CYP7B1: variants seen among roughly 807,000 people sequenced by gnomAD.
The protein encoded by CYP7B1 is cytochrome P450 family 7 subfamily B member 1.
Under a neutral mutation model 42.7 loss-of-function variants are expected in CYP7B1, and 29 were observed. The ratio of observed to expected loss-of-function variants is 0.68; its 90% CI spans 0.51 to 0.93. The LOEUF (loss-of-function observed/expected upper bound fraction) is 0.93, where lower values mean the gene tolerates loss of function less well. Ranked by LOEUF, CYP7B1 falls within the 40% of genes least tolerant of loss-of-function variation. The pLI, the probability that CYP7B1 is intolerant of heterozygous loss-of-function variation, is 0.00. For synonymous variants in CYP7B1, 235 were observed against 218.2 expected, an observed-to-expected ratio of 1.08 and a Z score of -0.68; for missense variants, 655 against 600.5, an observed-to-expected ratio of 1.09 and a Z score of -0.95.
chr8:64,592,862 T>C lies in CYP7B1; in HGVS notation c.*3780A>G, dbSNP rs575208398. 6.8e-4 allele frequency among the ~76,000 whole-genome samples: 103 copies of C among 152,354 alleles called. 3 individuals are homozygous for C. In the South Asian group the frequency reaches 0.021, roughly 31 times the overall value. On this transcript the variant is annotated 3_prime_UTR_variant, in exon 6 of 6. Transcript: ENST00000310193. ...TGTCACAGCCAGAATCTGCATCTTT[T>C]AACTGATTTGTCCAGGACATGTTTT...
chr8:64,728,822 A>G (rs376921716), intron 1 of CYP7B1: 3 of 152,208 alleles, frequency 2.0e-5, no homozygotes, highest in East Asian at 3.8e-4. Context: ...TTATAATGCA[A>G]TGAGTGAAAA....
At chr8:64,718,124 G>A (rs1319112495) in intron 1 of CYP7B1, among the ~76,000 whole-genome samples, 1 of 151,738 alleles carries the variant, frequency 6.6e-6, no homozygotes, top group East Asian at 1.9e-4. Context: ...TCTAGTATAT[G>A]GCATTTCAAA....
At chr8:64,760,590 C>T (rs1807874664) in intron 1 of CYP7B1, among the ~76,000 whole-genome samples, 2 of 151,958 alleles carry the variant, frequency 1.3e-5, no homozygotes, top group Non-Finnish European at 2.9e-5. Context: ...CCACCAGGTA[C>T]ATGAAAAGGT....
chr8:64,756,544 T>C (rs1461955073), intron 1 of CYP7B1, among the ~76,000 whole-genome samples: 2 of 152,204 alleles, frequency 1.3e-5, no homozygotes, highest in African/African-American at 4.8e-5. Context: ...CAGCTTTCCA[T>C]ACTGCTGTCA....
chr8:64,765,293 G>A (rs1336907463), intron 1 of CYP7B1, among the ~76,000 whole-genome samples: 1 of 152,176 alleles, frequency 6.6e-6, no homozygotes, highest in African/African-American at 2.4e-5. Flanking sequence ...AGACAGTCTA[G>A]TCCACAGACA....
intron 1 of CYP7B1, chr8:64,727,909 A>G (rs1463324869): frequency 6.6e-6 from 1 of 152,254 alleles, no homozygotes; most frequent in Non-Finnish European, 1.5e-5. Context: ...TGAATATTCA[A>G]CAAAAGTATG....
chr8:64,606,736 A>C (rs919585916), intron 4 of CYP7B1, among the ~76,000 whole-genome samples: 3 of 152,194 alleles, frequency 2.0e-5, no homozygotes, highest in Admixed American at 2.0e-4. Flanking sequence ...AGTACCAGTT[A>C]TGTGTGCGAG....
At chr8:64,774,019 C>T (rs1456099892) in intron 1 of CYP7B1, among the ~76,000 whole-genome samples, 5 of 152,178 alleles carry the variant, frequency 3.3e-5, no homozygotes, top group African/African-American at 7.2e-5. Context: ...ACATTCAAAC[C>T]ATAGCACCTA....
At chr8:64,756,546 CT>C (rs1807811200) in intron 1 of CYP7B1, among the ~76,000 whole-genome samples, 1 of 152,204 alleles carries the variant, frequency 6.6e-6, no homozygotes, top group African/African-American at 2.4e-5. Flanking sequence ...GCTTTCCATA[CT>C]GCTGTCATGT....
Position 64,783,698 on chromosome 8 carries a change from C to G in CYP7B1, c.122+14768G>C, listed in dbSNP as rs1435527702. Reference sequence around the variant, plus strand: ...GAGCTTTACCTCATGTCCTCAATTACAAATGACAAGATCATTCCTGCTTCC... The same window carrying G: ...GAGCTTTACCTCATGTCCTCAATTAGAAATGACAAGATCATTCCTGCTTCC... On this transcript the variant is annotated intron_variant, in intron 1 of 5. Transcript: ENST00000310193. Among the ~76,000 whole-genome samples, 7 of 152,138 alleles carry G rather than the reference C, an allele frequency of 4.6e-5. No homozygotes were observed. The East Asian group carries it at 1.3e-3, about 29-fold the overall frequency.
chr8:64,617,995 T>C (rs1054065521), intron 2 of CYP7B1, among the ~76,000 whole-genome samples: 1 of 147,140 alleles, frequency 6.8e-6, no homozygotes, highest in Non-Finnish European at 1.5e-5. Flanking sequence ...GGATCTAGGA[T>C]GCCAGTAAAG....
chr8:64,703,919 T>C (rs1045114443), intron 1 of CYP7B1: 5 of 152,052 alleles, frequency 3.3e-5, no homozygotes, highest in African/African-American at 1.2e-4. Context: ...TTTTCTCAAG[T>C]GAATATTGTG....
intron 1 of CYP7B1, among the ~76,000 whole-genome samples, chr8:64,732,683 C>T (rs1188378888): frequency 6.6e-6 from 1 of 152,102 alleles, no homozygotes; most frequent in African/African-American, 2.4e-5. Flanking sequence ...CTCTGTGTCC[C>T]CAATCCAAAT....
At chr8:64,679,332 G>T (rs918397769) in intron 1 of CYP7B1, among the ~76,000 whole-genome samples, 34 of 152,250 alleles carry the variant, frequency 2.2e-4, no homozygotes, top group Middle Eastern at 3.4e-3. Context: ...AGTGACAGGG[G>T]CTGATAGAGA....
At chr8:64,750,608 A>G (rs1177403055) in intron 1 of CYP7B1, among the ~76,000 whole-genome samples, 2 of 152,198 alleles carry the variant, frequency 1.3e-5, no homozygotes, top group Non-Finnish European at 2.9e-5. Flanking sequence ...ATCTGCAAAC[A>G]AGTGATTCTC....
intron 1 of CYP7B1, among the ~76,000 whole-genome samples, chr8:64,751,027 T>C (rs1417146253): frequency 6.6e-6 from 1 of 152,162 alleles, no homozygotes; most frequent in South Asian, 2.1e-4. Context: ...GCTGCAGGGA[T>C]AGTTCCCTGT....
intron 2 of CYP7B1, among the ~76,000 whole-genome samples, chr8:64,617,847 T>C (rs1049929318): frequency 4.6e-5 from 7 of 151,898 alleles, no homozygotes; most frequent in African/African-American, 1.7e-4. Flanking sequence ...GATAAATATG[T>C]TTTTGTTTCA....
intron 1 of CYP7B1, among the ~76,000 whole-genome samples, chr8:64,653,780 ACAT>A (rs1470992080): frequency 6.6e-6 from 1 of 152,224 alleles, no homozygotes; most frequent in Non-Finnish European, 1.5e-5. Flanking sequence ...ATCTAGCAGT[ACAT>A]CAAAAAGTTA....
At chr8:64,728,727 A>C (rs1807360493) in intron 1 of CYP7B1, 1 of 152,250 alleles carries the variant, frequency 6.6e-6, no homozygotes, top group African/African-American at 2.4e-5. Context: ...CAAGAGAATT[A>C]TCAAACACTT....
Sources: gnomAD v4.1 joint callset for allele counts (sites outside exome capture counted in the v4.1 genomes callset) on GRCh38, gnomAD v4.1.1 for gene constraint, MANE v1.5 for transcripts, NCBI Gene and HGNC (gene_info 2026-07-23, HGNC 2026-07-21) for gene names.